ANK2: variants seen among roughly 807,000 people sequenced by gnomAD.
ANK2 encodes the protein ankyrin 2.
Under a neutral mutation model 360.5 loss-of-function variants are expected in ANK2, and 83 were observed. The observed-to-expected ratio is 0.23, with a 90% CI of 0.19 to 0.28. ANK2 has a LOEUF of 0.28. ANK2 is among the 10% of genes least tolerant of loss of function. The pLI is 1.00. For missense variants in ANK2, 4,201 were observed against 4,795.7 expected, an observed-to-expected ratio of 0.88 and a Z score of 3.66; for synonymous variants, 1,740 against 1,759.5, an observed-to-expected ratio of 0.99 and a Z score of 0.28.
intron 1 of ANK2, among the ~76,000 whole-genome samples, chr4:112,849,430 A>G (rs763877349): frequency 6.6e-6 from 1 of 152,124 alleles, no homozygotes; most frequent in Non-Finnish European, 1.5e-5. Context: ...AGCCCAATCA[A>G]TTCTATAGCA....
In ANK2 at chr4:113,354,569, T is replaced by C. The variant is rs751915981; in HGVS notation, c.5951T>C (p.Ile1984Thr). 5 of 1,614,022 alleles carry C rather than the reference T, an allele frequency of 3.1e-6. No homozygotes were observed. The highest frequency in any genetic ancestry group is 4.5e-5 in the East Asian group (2 of 44,866). ...PVSPTSKTER[I>T]EETMSVRELM... ...TCCCCCACTTCAAAAACAGAGAGGA[T>C]TGAGGAAACCATGTCTGTTCGGGAG... Residue 1984 changes from isoleucine (I) to threonine (T), a missense_variant, in exon 38 of 46, where the codon ATT becomes ACT. Ile to Thr is a moderately conservative substitution (Grantham distance 89). Coordinates refer to ENST00000357077, the MANE Select transcript of ANK2 (RefSeq NM_001148.6).
intron 10 of ANK2, 56 bp from the exon 11 acceptor site, chr4:113,255,679 A>T (rs1446904610): frequency 6.3e-7 from 1 of 1,583,974 alleles, no homozygotes; most frequent in African/African-American, 1.3e-5. Flanking sequence ...GTACTTTGGA[A>T]CCTGAAAATA....
intron 1 of ANK2, among the ~76,000 whole-genome samples, chr4:113,122,851 T>TA (rs2095447824): frequency 6.6e-6 from 1 of 151,874 alleles, no homozygotes; most frequent in Admixed American, 6.6e-5. Flanking sequence ...TATCTTTAAA[T>TA]AAATGACTTG....
intron 2 of ANK2, among the ~76,000 whole-genome samples, chr4:112,984,748 A>T (rs2044284967): frequency 6.6e-6 from 1 of 152,214 alleles, no homozygotes; most frequent in Non-Finnish European, 1.5e-5. Context: ...ACTATTTTCC[A>T]AAATGCTTTG....
rs555866456 is a variant in ANK2 at position 113,283,546 on chromosome 4, A to C, written c.2079+674A>C. ...TCCGCATTAATTATAATACAATGGC[A>C]GTCAAAGATATAATGGAAAAATATT... On this transcript the variant is annotated intron_variant, in intron 18 of 45. Coordinates refer to ENST00000357077, the MANE Select transcript of ANK2 (RefSeq NM_001148.6). Among the ~76,000 whole-genome samples, 4 of 152,302 alleles carry C rather than the reference A, an allele frequency of 2.6e-5. No homozygotes were observed. In the South Asian group the frequency reaches 8.3e-4, roughly 32 times the overall value.
the ANK2 span, among the ~76,000 whole-genome samples, chr4:112,803,464 C>T: frequency 6.6e-6 from 1 of 151,904 alleles, no homozygotes; most frequent in Non-Finnish European, 1.5e-5. Context: ...AAATGGAAGC[C>T]TTGAAGACTG....
At chr4:113,042,040 G>A (rs2063086985) in intron 2 of ANK2, among the ~76,000 whole-genome samples, 1 of 152,168 alleles carries the variant, frequency 6.6e-6, no homozygotes, top group South Asian at 2.1e-4. Flanking sequence ...GAGTGTGTCT[G>A]TGAGAAAGTT....
Position 113,355,865 on chromosome 4 carries a change from G to C in ANK2, c.7247G>C (p.Arg2416Pro). ...GGGTTAGAACTTGCACTCCCTAGCCGAGATAGCGAAGTCCTCAGCGCTGTG... is the reference window on the plus strand; with the variant it reads ...GGGTTAGAACTTGCACTCCCTAGCCCAGATAGCGAAGTCCTCAGCGCTGTG... The part of the protein sequence containing the change: ...PQGLELALPS[R>P]DSEVLSAVAD... Residue 2416 changes from arginine (R) to proline (P), a missense_variant, in exon 38 of 46, where the codon CGA (arginine) becomes CCA (proline). Arg to Pro is a moderately radical substitution (Grantham distance 103, BLOSUM62 -2). Coordinates refer to ENST00000357077, the MANE Select transcript of ANK2 (RefSeq NM_001148.6). 1.2e-6 allele frequency: 2 copies of C among 1,614,086 alleles called. No individual in the cohort carries two copies. Among genetic ancestry groups the C allele is most frequent in the Non-Finnish European group, 1.7e-6 (2 of 1,179,968 alleles).
intron 2 of ANK2, among the ~76,000 whole-genome samples, chr4:113,042,254 C>T (rs114348067): frequency 1.7e-3 from 262 of 152,230 alleles, no homozygotes; most frequent in African/African-American, 6.1e-3. Context: ...CTTCAGACTC[C>T]AGGGCTTACA....
chr4:113,001,331 C>CAAAAAAAAAAAAAAAAAAAAAA (rs11310852), intron 2 of ANK2, among the ~76,000 whole-genome samples: 1 of 84,218 alleles, frequency 1.2e-5, no homozygotes. Context: ...AACTCTGTCT[C>CAAAAAAAAAAAAAAAAAAAAAA]AAAAAAAAAA....
chr4:113,361,223 T>G lies in ANK2; in HGVS notation c.10756+326T>G, dbSNP rs576448304. Among the ~76,000 whole-genome samples the G allele has an allele frequency of 9.8e-4, 150 of 152,294 alleles. 1 individual carries two copies. The highest frequency in any genetic ancestry group is 3.0e-3 in the African/African-American group (126 of 41,572). ...GTTTCAAAATCATTTTTAGATGTAA[T>G]TTTTATCAAATTTAATGTGAGATTT... On this transcript the variant is annotated intron_variant, in intron 39 of 45. Transcript: ENST00000357077.
At chr4:113,183,652 A>G (rs2098459182) in intron 2 of ANK2, among the ~76,000 whole-genome samples, 1 of 152,174 alleles carries the variant, frequency 6.6e-6, no homozygotes, top group African/African-American at 2.4e-5. Context: ...GCAAGAGAGT[A>G]AGTGCTGTTC....
intron 1 of ANK2, among the ~76,000 whole-genome samples, chr4:112,828,023 G>A (rs1237035139): frequency 1.3e-5 from 2 of 152,100 alleles, no homozygotes; most frequent in Admixed American, 1.3e-4. Flanking sequence ...CAGACACAGA[G>A]ACGAATAGAA....
intron 3 of ANK2, among the ~76,000 whole-genome samples, chr4:113,198,703 G>T (rs905715919): frequency 3.3e-5 from 5 of 151,894 alleles, no homozygotes; most frequent in African/African-American, 1.2e-4. Context: ...TAATTAAATT[G>T]CATGAATCTC....
chr4:113,205,384 A>G (rs2098932773), intron 4 of ANK2, among the ~76,000 whole-genome samples: 1 of 151,854 alleles, frequency 6.6e-6, no homozygotes, highest in Non-Finnish European at 1.5e-5. Context: ...CTAGAAACAG[A>G]TTTGTTTTCT....
chr4:113,249,138 A>G (rs1563161231), intron 9 of ANK2, among the ~76,000 whole-genome samples: 1 of 152,214 alleles, frequency 6.6e-6, no homozygotes, highest in Non-Finnish European at 1.5e-5. Context: ...ATTAATAATA[A>G]AGTTCATCTT....
intron 24 of ANK2, among the ~76,000 whole-genome samples, chr4:113,313,266 T>G (rs1164063663): frequency 6.6e-6 from 1 of 152,216 alleles, no homozygotes; most frequent in Non-Finnish European, 1.5e-5. Flanking sequence ...ATGAACAGTC[T>G]TATTACTGTC....
intron 15 of ANK2, among the ~76,000 whole-genome samples, chr4:113,277,207 T>G (rs1412712396): frequency 1.3e-5 from 2 of 152,198 alleles, no homozygotes; most frequent in Non-Finnish European, 2.9e-5. Context: ...ATGCCAGAAG[T>G]AGAACGTATT....
the ANK2 span, chr4:112,738,990 G>C: frequency 1.5e-6 from 1 of 680,596 alleles, no homozygotes; most frequent in South Asian, 1.4e-5. Flanking sequence ...AAATCTTACT[G>C]TGCTGAGGTC....
Sources: gnomAD v4.1 joint callset for allele counts (sites outside exome capture counted in the v4.1 genomes callset) on GRCh38, gnomAD v4.1.1 for gene constraint, MANE v1.5 for transcripts, NCBI Gene and HGNC (gene_info 2026-07-23, HGNC 2026-07-21) for gene names.